The following PRAG1 variants were observed in gnomAD, a reference collection of about 807,000 sequenced individuals.
The protein encoded by PRAG1 is inactive tyrosine-protein kinase PRAG1.
A neutral mutation model predicts 95.6 loss-of-function variants in PRAG1; 110 were observed. That is an observed-to-expected ratio of 1.15 (90% CI 0.99 to 1.35). The LOEUF (loss-of-function observed/expected upper bound fraction) is 1.35, where lower values mean the gene tolerates loss of function less well. Ranked by LOEUF, PRAG1 falls within the 40% of genes most tolerant of loss-of-function variation. PRAG1 has a pLI of 0.00. For synonymous variants in PRAG1, 1,052 were observed against 819.4 expected (o/e 1.28, Z -4.85); for missense variants, 2,554 against 1,864.7 (o/e 1.37, Z -6.81).
intron 3 of PRAG1, among the ~76,000 whole-genome samples, chr8:8,369,619 G>C (rs1800126109): frequency 6.6e-6 from 1 of 151,850 alleles, no homozygotes; most frequent in African/African-American, 2.4e-5. Flanking sequence ...GATGCATTGA[G>C]CTCAACCTTA....
chr8:8,376,701 G>A lies in PRAG1; in HGVS notation c.1708C>T (p.Leu570=). 5.6e-6 allele frequency: 9 copies of A among 1,611,468 alleles called. No individual in the cohort carries two copies. Among genetic ancestry groups the A allele is most frequent in the Non-Finnish European group, 7.6e-6 (9 of 1,179,960 alleles). The change falls in exon 3 of 6, where the codon CTG becomes TTG. Residue 570 remains leucine (L), a synonymous_variant. Coordinates refer to ENST00000615670, the MANE Select transcript of PRAG1 (RefSeq NM_001080826.3). ...PSAGGPPVSP[L]ADLSDGSSGG... Reference sequence around the variant, plus strand: ...GAGCTCCCATCACTAAGGTCAGCCAGCGGTGACACTGGGGGCCCTCCAGCA... The same window carrying A: ...GAGCTCCCATCACTAAGGTCAGCCAACGGTGACACTGGGGGCCCTCCAGCA...
At chr8:8,385,472 C>T (rs1195483185) in intron 1 of PRAG1, among the ~76,000 whole-genome samples, 1 of 152,146 alleles carries the variant, frequency 6.6e-6, no homozygotes, top group Admixed American at 6.5e-5. Context: ...TTCCCTAGGG[C>T]TTTCTGTCAA....
At position 8,318,001 on chromosome 8, in the gene PRAG1, G is replaced by C. The variant is rs1008817612; in HGVS notation, c.*153C>G. 5 of 529,488 alleles carry C rather than the reference G, an allele frequency of 9.4e-6. No individual in the cohort carries two copies. The highest frequency in any genetic ancestry group is 1.5e-5 in the Non-Finnish European group (5 of 340,458). The allele number at this position is 529,488 out of a possible 1,614,324, so 32.8% of individuals were successfully genotyped here. A position where few individuals can be genotyped will look rare whatever the true frequency, so the allele number is the denominator to read the frequency against. On this transcript the variant is annotated 3_prime_UTR_variant, in exon 6 of 6. Transcript: ENST00000615670. This position sits in a 1 kb window ranked among gnomAD's most constrained non-coding sequence, Gnocchi z 4.2. ...CCTTAGTCTTTCATATTTATATATG[G>C]TATATGTATTTTCTATATATATATT...
chr8:8,366,406 C>T (rs1392872337), intron 3 of PRAG1, among the ~76,000 whole-genome samples: 2 of 151,740 alleles, frequency 1.3e-5, no homozygotes, highest in African/African-American at 2.4e-5. Flanking sequence ...CTCCAACTCC[C>T]GGGTTCAAGC....
At chr8:8,362,073 G>C (rs1799862154) in intron 3 of PRAG1, among the ~76,000 whole-genome samples, 1 of 152,112 alleles carries the variant, frequency 6.6e-6, no homozygotes, top group African/African-American at 2.4e-5. Context: ...TTTTCCCTGG[G>C]GAGGATCTTA....
intron 5 of PRAG1, among the ~76,000 whole-genome samples, chr8:8,324,490 G>A (rs991115978): frequency 2.0e-5 from 3 of 152,136 alleles, no homozygotes; most frequent in Non-Finnish European, 4.4e-5. Flanking sequence ...GTAGGCCCGC[G>A]CCGGAGATCA....
intron 2 of PRAG1, among the ~76,000 whole-genome samples, chr8:8,378,492 T>C (rs1478623027): frequency 1.3e-5 from 2 of 152,184 alleles, no homozygotes; most frequent in African/African-American, 2.4e-5. Context: ...TGCTTTGAGT[T>C]TGTGGGTTTT....
At chr8:8,341,063 T>G (rs1232721764) in intron 3 of PRAG1, among the ~76,000 whole-genome samples, 1 of 152,212 alleles carries the variant, frequency 6.6e-6, no homozygotes, top group Non-Finnish European at 1.5e-5. Context: ...GAAGCCAGGA[T>G]ATGAAGTCAT....
At chr8:8,364,227 T>A in intron 3 of PRAG1, among the ~76,000 whole-genome samples, 1 of 152,234 alleles carries the variant, frequency 6.6e-6, no homozygotes. Flanking sequence ...CTGATGGACA[T>A]AATGTGCTAT....
At chr8:8,372,392 C>T (rs1020527744) in intron 3 of PRAG1, among the ~76,000 whole-genome samples, 1 of 152,180 alleles carries the variant, frequency 6.6e-6, no homozygotes, top group Non-Finnish European at 1.5e-5. Context: ...ATTTTTGTTT[C>T]CTAACCAGCA....
At chr8:8,343,311 C>T (rs1223300912) in intron 3 of PRAG1, among the ~76,000 whole-genome samples, 1 of 151,262 alleles carries the variant, frequency 6.6e-6, no homozygotes, top group South Asian at 2.1e-4. Flanking sequence ...CACAGGACAA[C>T]AATGTGATGA....
rs1320161657 is a variant in PRAG1 at position 8,348,768 on chromosome 8, C to T, written c.2163-9133G>A. On this transcript the variant is annotated intron_variant, in intron 3 of 5. Transcript: ENST00000615670. ...AACTGACACTGCACTGAGTCTGAAT[C>T]ACATCACTGAGAATTTGGTTATAAT... is the stretch of plus-strand genomic sequence containing the variant. Among the ~76,000 whole-genome samples the T allele has an allele frequency of 3.9e-5, 6 of 152,298 alleles. No individual in the cohort carries two copies. In the East Asian group the frequency reaches 7.7e-4, roughly 20 times the overall value.
At chr8:8,374,648 T>C in intron 3 of PRAG1, 21 of 985,344 alleles carry the variant, frequency 2.1e-5, no homozygotes, top group Non-Finnish European at 2.5e-5. Context: ...TGGAAGCTCA[T>C]CTTAGCTGCT....
At chr8:8,357,622 C>G (rs1268497571) in intron 3 of PRAG1, among the ~76,000 whole-genome samples, 1 of 152,142 alleles carries the variant, frequency 6.6e-6, no homozygotes, top group Admixed American at 6.5e-5. Context: ...CTATGGAAAA[C>G]AGTAAGGCAG....
In PRAG1 at chr8:8,346,533, C is replaced by A. The variant is rs529410360; in HGVS notation, c.2163-6898G>T. ...CCATTGTCCTTAGAGAGAGGTCTTG[C>A]CAGAGTGGTCTCCATACTATGTTGG... On this transcript the variant is annotated intron_variant, in intron 3 of 5. Transcript: ENST00000615670. Among the ~76,000 whole-genome samples, 7 of 152,254 alleles carry A rather than the reference C, an allele frequency of 4.6e-5. No individual in the cohort carries two copies. In the South Asian group the frequency reaches 1.5e-3, roughly 32 times the overall value.
Position 8,318,635 on chromosome 8 carries a change from G to A in PRAG1, c.3740C>T (p.Ser1247Phe), listed in dbSNP as rs1462266171. 1 of 1,612,770 alleles carries A rather than the reference G, an allele frequency of 6.2e-7. No homozygotes were observed. The highest frequency in any genetic ancestry group is 1.7e-5 in the Admixed American group (1 of 60,008). Residue 1247 changes from serine to phenylalanine, a missense_variant, in exon 6 of 6, where the codon TCC (serine) becomes TTC (phenylalanine). Coordinates refer to ENST00000615670, the MANE Select transcript of PRAG1 (RefSeq NM_001080826.3). This position sits in a 1 kb window ranked among gnomAD's most constrained non-coding sequence, Gnocchi z 4.2. ...ARLAPEIVSA[S>F]QYRKFDEFQT... The stretch of plus-strand genomic sequence containing the variant: ...GAACTCATCGAACTTGCGGTACTGG[G>A]AAGCAGACACGATCTCGGGGGCCAG...
chr8:8,359,492 G>C (rs1007446746), intron 3 of PRAG1, among the ~76,000 whole-genome samples: 1 of 152,118 alleles, frequency 6.6e-6, no homozygotes, highest in Non-Finnish European at 1.5e-5. Context: ...AGGATGAGTC[G>C]TCTAGACTAT....
At chr8:8,367,213 C>T (rs1324974879) in intron 3 of PRAG1, among the ~76,000 whole-genome samples, 2 of 151,834 alleles carry the variant, frequency 1.3e-5, no homozygotes, top group African/African-American at 4.8e-5. Context: ...TTGATCTGTA[C>T]ATAATATAAG....
chr8:8,335,731 C>A (rs2980493), intron 4 of PRAG1, among the ~76,000 whole-genome samples: 1 of 150,314 alleles, frequency 6.7e-6, no homozygotes, highest in Non-Finnish European at 1.5e-5. Context: ...CTGTTCCTGG[C>A]TTGATTTTTC....
Sources: allele counts gnomAD v4.1 joint callset (sites outside exome capture counted in the v4.1 genomes callset), GRCh38; gene constraint gnomAD v4.1.1; non-coding constraint Gnocchi (gnomAD v3.1); transcripts MANE v1.5; gene names NCBI Gene and HGNC (gene_info 2026-07-23, HGNC 2026-07-21).